BAZ2B: variants seen among roughly 807,000 people sequenced by gnomAD.
The protein encoded by BAZ2B is bromodomain adjacent to zinc finger domain protein 2B.
BAZ2B carries 91 observed loss-of-function variants against 246.0 expected under a neutral mutation model. That is an observed-to-expected ratio of 0.37 (90% CI 0.31 to 0.44). The LOEUF (loss-of-function observed/expected upper bound fraction) is 0.44. Among genes scored for constraint, BAZ2B ranks in the 20% least tolerant of loss-of-function variants. The pLI, the probability that BAZ2B is intolerant of heterozygous loss-of-function variation, is 1.00. For synonymous variants in BAZ2B, 855 were observed against 860.0 expected, an observed-to-expected ratio of 0.99 and a Z score of 0.10; for missense variants, 2,332 against 2,533.7, an observed-to-expected ratio of 0.92 and a Z score of 1.71.
chr2:159,688,817 C>T, the BAZ2B span, among the ~76,000 whole-genome samples: 1 of 152,024 alleles, frequency 6.6e-6, no homozygotes, highest in Non-Finnish European at 1.5e-5. Flanking sequence ...ACTGATTGTT[C>T]TTCATGTTTA....
chr2:159,514,474 TAA>T (rs1379958687), intron 2 of BAZ2B, among the ~76,000 whole-genome samples: 1 of 152,172 alleles, frequency 6.6e-6, no homozygotes, highest in East Asian at 1.9e-4. Flanking sequence ...TGTAATTCCT[TAA>T]AGTGCCTGAT....
At chr2:159,574,014 C>A (rs1271313851) in intron 1 of BAZ2B, among the ~76,000 whole-genome samples, 2 of 151,886 alleles carry the variant, frequency 1.3e-5, no homozygotes, top group Non-Finnish European at 2.9e-5. Flanking sequence ...GGGGGAGGAT[C>A]CCTAGAGCCT....
intron 1 of BAZ2B, among the ~76,000 whole-genome samples, chr2:159,582,143 T>C (rs1686969289): frequency 6.6e-6 from 1 of 152,210 alleles, no homozygotes. Context: ...CAGACTTCTG[T>C]TGCATAGGTA....
chr2:159,341,240 AAAACAAAC>A (rs940944829), intron 31 of BAZ2B, among the ~76,000 whole-genome samples: 39 of 138,818 alleles, frequency 2.8e-4, no homozygotes, highest in Non-Finnish European at 1.6e-5. Context: ...TCAGATAAAA[AAAACAAAC>A]AAACAAACTT....
chr2:159,707,242 C>T, the BAZ2B span, among the ~76,000 whole-genome samples: 1 of 152,044 alleles, frequency 6.6e-6, no homozygotes, highest in Non-Finnish European at 1.5e-5. Context: ...TTTCCAACTC[C>T]TAGTTTTATC....
At chr2:159,449,522 A>T (rs187062938) in intron 4 of BAZ2B, among the ~76,000 whole-genome samples, 2 of 152,344 alleles carry the variant, frequency 1.3e-5, no homozygotes, top group East Asian at 3.9e-4. Flanking sequence ...AATGGTATGC[A>T]CCTTCATTAT....
At chr2:159,646,937 G>A in the BAZ2B span, among the ~76,000 whole-genome samples, 1 of 152,040 alleles carries the variant, frequency 6.6e-6, no homozygotes, top group South Asian at 2.1e-4. Context: ...GATTATTTAT[G>A]TGTTCTCTTA....
At chr2:159,672,728 A>G in the BAZ2B span, among the ~76,000 whole-genome samples, 1 of 152,194 alleles carries the variant, frequency 6.6e-6, no homozygotes, top group Non-Finnish European at 1.5e-5. Context: ...GAAATTTAGT[A>G]TGCAATAAAG....
chr2:159,473,274 G>A lies in BAZ2B; in HGVS notation c.145+5301C>T, dbSNP rs1185181992. On this transcript the variant is annotated intron_variant, in intron 3 of 36. Transcript: ENST00000392783. ...TTGTTATTGGTCTATTCAGGGATTC[G>A]ACCTCTTCCTGGTTTTGTCTTGGGA... Among the ~76,000 whole-genome samples, 11 of 152,104 alleles carry A rather than the reference G, an allele frequency of 7.2e-5. 1 individual carries two copies. Among genetic ancestry groups the A allele is most frequent in the Non-Finnish European group, 1.6e-4 (11 of 68,006 alleles).
chr2:159,368,723 T>C lies in BAZ2B; in HGVS notation c.4213+4322A>G, dbSNP rs985089092. Among the ~76,000 whole-genome samples the C allele has an allele frequency of 3.3e-5, 5 of 152,072 alleles. No individual in the cohort carries two copies. In the South Asian group the frequency reaches 6.2e-4, roughly 19 times the overall value. ...TTATCTGACATGATCCTTGTAACAATCGAAGAATTCATATACAGCTTATTA... is the reference window on the plus strand; with the variant it reads ...TTATCTGACATGATCCTTGTAACAACCGAAGAATTCATATACAGCTTATTA... On this transcript the variant is annotated intron_variant, in intron 27 of 36. Transcript: ENST00000392783.
intron 2 of BAZ2B, among the ~76,000 whole-genome samples, chr2:159,511,947 T>G (rs1302575184): frequency 6.6e-6 from 1 of 152,144 alleles, no homozygotes; most frequent in African/African-American, 2.4e-5. Flanking sequence ...CAGAGAAAGG[T>G]ATAGGAAGAA....
chr2:159,492,675 CTG>C (rs912404778), intron 2 of BAZ2B, among the ~76,000 whole-genome samples: 1 of 152,134 alleles, frequency 6.6e-6, no homozygotes, highest in African/African-American at 2.4e-5. Flanking sequence ...AACAGCAACA[CTG>C]TAACTATTAA....
chr2:159,576,315 G>A (rs754261716), intron 1 of BAZ2B, among the ~76,000 whole-genome samples: 1 of 152,014 alleles, frequency 6.6e-6, no homozygotes, highest in African/African-American at 2.4e-5. Flanking sequence ...CATCGATGTG[G>A]TCAAAAGATG....
intron 2 of BAZ2B, among the ~76,000 whole-genome samples, chr2:159,528,300 T>A (rs1277971299): frequency 1.3e-5 from 2 of 152,126 alleles, no homozygotes; most frequent in African/African-American, 4.8e-5. Flanking sequence ...CATTAAGATT[T>A]AAGCATCATG....
intron 34 of BAZ2B, among the ~76,000 whole-genome samples, chr2:159,330,557 A>C (rs2064556931): frequency 6.6e-6 from 1 of 152,132 alleles, no homozygotes; most frequent in Non-Finnish European, 1.5e-5. Flanking sequence ...GAAAATCTAT[A>C]GTGAGTTCAA....
the BAZ2B span, among the ~76,000 whole-genome samples, chr2:159,624,245 G>A: frequency 2.6e-5 from 4 of 152,198 alleles, no homozygotes; most frequent in Non-Finnish European, 5.9e-5. Context: ...AGCACCTGGG[G>A]GAAGGGACGG....
the BAZ2B span, among the ~76,000 whole-genome samples, chr2:159,668,867 G>C: frequency 6.6e-6 from 1 of 152,088 alleles, no homozygotes; most frequent in African/African-American, 2.4e-5. Flanking sequence ...GACCAGCCTG[G>C]GCAACATGGC....
chr2:159,363,095 G>A (rs184447078), intron 27 of BAZ2B, among the ~76,000 whole-genome samples: 1 of 152,306 alleles, frequency 6.6e-6, no homozygotes, highest in African/African-American at 2.4e-5. Context: ...ATGGTTAGGA[G>A]ACAACAGTGT....
In BAZ2B at chr2:159,350,013, C is replaced by G. The variant is rs776481954; in HGVS notation, c.4558G>C (p.Val1520Leu). The change falls in exon 28 of 37, where the codon GTG (valine) becomes CTG (leucine). Residue 1520 changes from valine (V) to leucine (L), a missense_variant. By Grantham distance (32) the Val-to-Leu change is conservative. Coordinates refer to ENST00000392783, the MANE Select transcript of BAZ2B (RefSeq NM_013450.4). ...SVQSTATQSN[V>L]EKADSNNLFN... Reference sequence around the variant, plus strand: ...AGATTATTAGAGTCTGCCTTTTCCACATTGCTTTGCGTTGCTGTTGACTGA... The same window carrying G: ...AGATTATTAGAGTCTGCCTTTTCCAGATTGCTTTGCGTTGCTGTTGACTGA... 6.2e-7 allele frequency: 1 copy of G among 1,614,196 alleles called. No individual in the cohort carries two copies. The highest frequency in any genetic ancestry group is 8.5e-7 in the Non-Finnish European group (1 of 1,180,006).
Sources: allele counts gnomAD v4.1 joint callset (sites outside exome capture counted in the v4.1 genomes callset), GRCh38; gene constraint gnomAD v4.1.1; transcripts MANE v1.5; gene names NCBI Gene and HGNC (gene_info 2026-07-23, HGNC 2026-07-21).